Variants in FRMPD4 observed in about 807,000 individuals in gnomAD.
The protein encoded by FRMPD4 is FERM and PDZ domain containing 4.
In FRMPD4, 22 loss-of-function variants were observed where a neutral mutation model predicts 94.1. The ratio of observed to expected loss-of-function variants is 0.23; its 90% CI spans 0.17 to 0.33. FRMPD4 has a LOEUF of 0.33. Ranked by LOEUF, FRMPD4 falls within the 10% of genes least tolerant of loss-of-function variation. FRMPD4 has a pLI of 1.00. For synonymous variants in FRMPD4, 631 were observed against 548.6 expected, an observed-to-expected ratio of 1.15 and a Z score of -2.10; for missense variants, 1,111 against 1,339.9, an observed-to-expected ratio of 0.83 and a Z score of 2.67.
intron 2 of FRMPD4, among the ~76,000 whole-genome samples, chrX:12,570,606 A>G (rs1379664436): frequency 8.9e-6 from 1 of 112,166 alleles, no homozygotes; most frequent in Non-Finnish European, 1.9e-5. Context: ...GCCTGGCCAC[A>G]TGTATTTATT....
At position 12,716,346 on chromosome X, in the gene FRMPD4, C is replaced by T; in HGVS notation, c.1887C>T (p.Ser629=). ...EADYRSLAQR[S]LLTLSGPETL... ...ACTACAGAAGTCTAGCTCAGCGGTC[C>T]CTATTGACCCTCTCAGGACCAGAAA... is the stretch of plus-strand genomic sequence containing the variant. The change falls in exon 15 of 17, where the codon TCC becomes TCT. Residue 629 remains serine, a synonymous_variant. Coordinates refer to ENST00000675598, the MANE Select transcript of FRMPD4 (RefSeq NM_001368397.1). 1.7e-6 allele frequency: 2 copies of T among 1,211,460 alleles called. No individual in the cohort carries two copies. The highest frequency in any genetic ancestry group is 3.5e-5 in the South Asian group (2 of 56,958).
intron 1 of FRMPD4, among the ~76,000 whole-genome samples, chrX:12,412,030 C>T (rs1388151576): frequency 8.9e-6 from 1 of 111,925 alleles, no homozygotes; most frequent in African/African-American, 3.2e-5. Context: ...CTTTTGAAAG[C>T]CTCAATTCCT....
intron 1 of FRMPD4, among the ~76,000 whole-genome samples, chrX:12,272,568 C>T (rs2054370728): frequency 8.9e-6 from 1 of 111,795 alleles, no homozygotes; most frequent in African/African-American, 3.3e-5. Context: ...ACAGTTTCTA[C>T]AACCTTTTAT....
intron 3 of FRMPD4, among the ~76,000 whole-genome samples, chrX:12,123,620 A>G (rs1173494579): frequency 8.9e-6 from 1 of 111,995 alleles, no homozygotes; most frequent in Non-Finnish European, 1.9e-5. Context: ...CCTCAACACT[A>G]TTGACAACTG....
chrX:12,340,852 G>C (rs939539538), intron 1 of FRMPD4, among the ~76,000 whole-genome samples: 2 of 111,226 alleles, frequency 1.8e-5, no homozygotes, highest in African/African-American at 6.5e-5. Context: ...CTGTTTCAAT[G>C]ACGTGACTTT....
intron 3 of FRMPD4, among the ~76,000 whole-genome samples, chrX:11,992,485 C>T (rs1446910622): frequency 1.8e-5 from 2 of 111,271 alleles, no homozygotes; most frequent in African/African-American, 6.5e-5. Context: ...GGGTGAGATG[C>T]CTGCATTCCC....
At chrX:11,920,632 T>G (rs1020467546) in intron 3 of FRMPD4, among the ~76,000 whole-genome samples, 1 of 112,646 alleles carries the variant, frequency 8.9e-6, no homozygotes, top group African/African-American at 3.2e-5. Flanking sequence ...GGATTTTCTC[T>G]CATTTGCTTC....
At chrX:12,473,146 G>A (rs1445200911) in intron 1 of FRMPD4, among the ~76,000 whole-genome samples, 1 of 110,640 alleles carries the variant, frequency 9.0e-6, no homozygotes, top group Admixed American at 9.4e-5. Context: ...AGAAGAGAGT[G>A]GGGGCCAATA....
intron 3 of FRMPD4, among the ~76,000 whole-genome samples, chrX:11,913,377 C>T (rs1444230995): frequency 8.9e-6 from 1 of 112,284 alleles, no homozygotes; most frequent in East Asian, 2.8e-4. Flanking sequence ...TGCTTGACAC[C>T]TCACCCCAGA....
intron 1 of FRMPD4, among the ~76,000 whole-genome samples, chrX:12,141,830 G>C (rs1045934775): frequency 9.8e-5 from 11 of 112,165 alleles, no homozygotes; most frequent in African/African-American, 3.2e-4. Flanking sequence ...TTGTAGATGA[G>C]AGCATTACAG....
chrX:11,880,398 G>A (rs1390953418), intron 3 of FRMPD4, among the ~76,000 whole-genome samples: 1 of 111,482 alleles, frequency 9.0e-6, no homozygotes, highest in Non-Finnish European at 1.9e-5. Flanking sequence ...AGTACTATTA[G>A]CAGTGAGAAT....
chrX:11,906,084 A>T (rs2053965525), intron 3 of FRMPD4, among the ~76,000 whole-genome samples: 1 of 110,208 alleles, frequency 9.1e-6, no homozygotes, highest in South Asian at 3.9e-4. Context: ...CTTTTCTAGC[A>T]TGTGAAATGA....
intron 3 of FRMPD4, among the ~76,000 whole-genome samples, chrX:11,998,423 G>T (rs2054507803): frequency 9.0e-6 from 1 of 111,507 alleles, no homozygotes; most frequent in Admixed American, 9.5e-5. Flanking sequence ...TATTGTGTAG[G>T]GGGATGAGAG....
At chrX:11,960,319 G>T (rs781643372) in intron 3 of FRMPD4, among the ~76,000 whole-genome samples, 87 of 111,753 alleles carry the variant, frequency 7.8e-4, no homozygotes, top group African/African-American at 2.6e-3. Context: ...CTCACCTGGG[G>T]TTGATTGGTT....
chrX:12,448,254 C>A (rs1196739066), intron 1 of FRMPD4, among the ~76,000 whole-genome samples: 1 of 111,488 alleles, frequency 9.0e-6, no homozygotes, highest in Non-Finnish European at 1.9e-5. Context: ...GAATTTTGTC[C>A]TTTTAACGGT....
intron 14 of FRMPD4, among the ~76,000 whole-genome samples, chrX:12,713,607 T>C (rs1186518559): frequency 9.0e-6 from 1 of 111,240 alleles, no homozygotes; most frequent in African/African-American, 3.3e-5. Flanking sequence ...CTCTAAGGGC[T>C]GAAAGTACTC....
At chrX:12,311,612 A>G (rs137911686) in intron 1 of FRMPD4, among the ~76,000 whole-genome samples, 1,404 of 110,682 alleles carry the variant, frequency 0.013, 23 homozygotes, top group African/African-American at 0.044. Context: ...AACTATTTCT[A>G]TTTTAATTTG....
intron 1 of FRMPD4, among the ~76,000 whole-genome samples, chrX:12,383,151 A>G (rs1366859139): frequency 9.0e-6 from 1 of 111,694 alleles, no homozygotes; most frequent in Non-Finnish European, 1.9e-5. Context: ...CAAAGCTGAG[A>G]TTATTTCAAA....
At position 12,724,040 on chromosome X, in the gene FRMPD4, A is replaced by ATAT. The variant is rs1298936909; in HGVS notation, c.*2184_*2186dup. On this transcript the variant is annotated 3_prime_UTR_variant, in exon 17 of 17. Transcript: ENST00000675598. ...TATCATCATAATCGTTGTGTTAAAT[A>ATAT]TATTGCCCAAGATAATATGTGGGGG... The ATAT allele has an allele frequency of 8.9e-6, 1 of 112,197 alleles. No homozygotes were observed. Among genetic ancestry groups the ATAT allele is most frequent in the African/African-American group, 3.2e-5 (1 of 30,824 alleles). The allele number at this position is 112,197 out of a possible 1,213,427, so 9.2% of individuals were successfully genotyped here. A position where few individuals can be genotyped will look rare whatever the true frequency, so the allele number is the denominator to read the frequency against.
Sources: gnomAD v4.1 joint callset for allele counts (sites outside exome capture counted in the v4.1 genomes callset) on GRCh38, gnomAD v4.1.1 for gene constraint, MANE v1.5 for transcripts, NCBI Gene and HGNC (gene_info 2026-07-23, HGNC 2026-07-21) for gene names.